The following SLC25A36 variants were observed in gnomAD, a reference collection of about 807,000 sequenced individuals.
SLC25A36 encodes the protein solute carrier family 25 member 36.
A neutral mutation model predicts 35.3 loss-of-function variants in SLC25A36; 24 were observed. The observed-to-expected ratio is 0.68, with a 90% CI of 0.49 to 0.96. SLC25A36 has a LOEUF of 0.96. Ranked by LOEUF, SLC25A36 falls within the 40% of genes least tolerant of loss-of-function variation. The probability of loss-of-function intolerance (pLI) is 0.00; values close to 1 mark genes in which losing one functional copy is unlikely to be tolerated. For synonymous variants in SLC25A36, 141 were observed against 132.2 expected, an observed-to-expected ratio of 1.07 and a Z score of -0.46; for missense variants, 294 against 381.1, an observed-to-expected ratio of 0.77 and a Z score of 1.90.
chr3:140,949,140 A>G (rs1021563136), intron 1 of SLC25A36, among the ~76,000 whole-genome samples: 91 of 152,206 alleles, frequency 6.0e-4, no homozygotes, highest in African/African-American at 2.0e-3. Flanking sequence ...ACAAAAAAAC[A>G]CTATCTTTTT....
chr3:140,977,943 A>G lies in SLC25A36; in HGVS notation c.*1490A>G, dbSNP rs1369087424. 1 of 151,696 alleles carries G rather than the reference A, an allele frequency of 6.6e-6. No individual in the cohort carries two copies. Among genetic ancestry groups the G allele is most frequent in the Non-Finnish European group, 1.5e-5 (1 of 67,876 alleles). The allele number at this position is 151,696 out of a possible 1,614,324, so 9.4% of individuals were successfully genotyped here. A position where few individuals can be genotyped will look rare whatever the true frequency, so the allele number is the denominator to read the frequency against. On this transcript the variant is annotated 3_prime_UTR_variant, in exon 7 of 7. Coordinates refer to ENST00000324194, the MANE Select transcript of SLC25A36 (RefSeq NM_001104647.3). ...CCATGTTAAGATTAAAAAAAAAAAC[A>G]AAAACATTGGTCACGTATTAGGCAG... is the stretch of plus-strand genomic sequence containing the variant.
At chr3:140,960,905 TG>T (rs1250138391) in intron 3 of SLC25A36, among the ~76,000 whole-genome samples, 1 of 152,246 alleles carries the variant, frequency 6.6e-6, no homozygotes, top group Non-Finnish European at 1.5e-5. Flanking sequence ...GTTTGGCTTA[TG>T]GGACAAACCA....
intron 1 of SLC25A36, among the ~76,000 whole-genome samples, chr3:140,949,086 T>A (rs1440666981): frequency 6.6e-6 from 1 of 152,256 alleles, no homozygotes; most frequent in East Asian, 1.9e-4. Context: ...TTATTTGTTT[T>A]GTTTTTTAAA....
chr3:140,960,538 A>C (rs1004949565), intron 3 of SLC25A36, among the ~76,000 whole-genome samples: 2 of 152,228 alleles, frequency 1.3e-5, no homozygotes, highest in Non-Finnish European at 2.9e-5. Flanking sequence ...AACAGGGTTG[A>C]AGAAAGGGAC....
At chr3:140,975,297 A>G (rs2107819820) in intron 6 of SLC25A36, among the ~76,000 whole-genome samples, 1 of 151,520 alleles carries the variant, frequency 6.6e-6, no homozygotes, top group East Asian at 2.0e-4. Flanking sequence ...TAGTAGAGAC[A>G]TAGTCTTGCT....
At chr3:140,972,623 A>G (rs146335853) in intron 5 of SLC25A36, 2 of 152,226 alleles carry the variant, frequency 1.3e-5, no homozygotes, top group African/African-American at 4.8e-5. Context: ...TAAAAAAGAA[A>G]AAAAAGAAAA....
At position 140,976,441 on chromosome 3, in the gene SLC25A36, A is replaced by G. The variant is rs369809258; in HGVS notation, c.924A>G (p.Leu308=). ...MMATYELVVY[L]LNG is the part of the protein sequence containing the mutation. ...CCACCTATGAATTGGTGGTTTACCT[A>G]CTCAATGGATAGCAGCACGAGGACT... Residue 308 remains leucine, a synonymous_variant, in exon 7 of 7, where the codon CTA becomes CTG. Coordinates refer to ENST00000324194, the MANE Select transcript of SLC25A36 (RefSeq NM_001104647.3). 4 of 1,611,438 alleles carry G rather than the reference A, an allele frequency of 2.5e-6. No individual in the cohort carries two copies. The highest frequency in any genetic ancestry group is 2.5e-6 in the Non-Finnish European group (3 of 1,179,152).
intron 1 of SLC25A36, among the ~76,000 whole-genome samples, chr3:140,942,299 G>C (rs1339647935): frequency 6.6e-6 from 1 of 151,618 alleles, no homozygotes; most frequent in Non-Finnish European, 1.5e-5. Context: ...GGAAGCAAGG[G>C]GGTGAGGCCC....
chr3:140,968,607 A>G, intron 4 of SLC25A36: 1 of 942,328 alleles, frequency 1.1e-6, no homozygotes, highest in Non-Finnish European at 1.3e-6. Flanking sequence ...GGTCTTTAAA[A>G]GGTTTTGTTC....
chr3:140,973,910 A>T lies in SLC25A36; in HGVS notation c.647A>T (p.Asp216Val). ...EYKTASTMENDEESVKEASDF... is the reference protein window; with the variant it reads ...EYKTASTMENVEESVKEASDF... ...AAGACTGCTTCTACAATGGAAAATG[A>T]TGAAGAGTCTGTGAAAGAAGCATCA... is the stretch of plus-strand genomic sequence containing the variant. Residue 216 changes from aspartate (D) to valine (V), a missense_variant, in exon 6 of 7, where the codon GAT becomes GTT. Transcript: ENST00000324194. The T allele has an allele frequency of 6.2e-7, 1 of 1,612,692 alleles. No homozygotes were observed. Among genetic ancestry groups the T allele is most frequent in the South Asian group, 1.1e-5 (1 of 90,922 alleles).
At chr3:140,968,575 T>A (rs1015743789) in intron 4 of SLC25A36, 2 of 928,128 alleles carry the variant, frequency 2.2e-6, no homozygotes, top group Non-Finnish European at 2.6e-6. Context: ...GTACAGAGAA[T>A]AATTTAAAAT....
intron 3 of SLC25A36, among the ~76,000 whole-genome samples, chr3:140,961,826 G>A (rs1015971090): frequency 2.7e-4 from 36 of 133,676 alleles, no homozygotes; most frequent in African/African-American, 9.0e-4. Context: ...ACTGCACTCC[G>A]GCCTGGGCAA....
chr3:140,977,454 GTATAAATAT>G lies in SLC25A36; in HGVS notation c.*1006_*1014del, dbSNP rs1331803521. 6.6e-6 allele frequency: 1 copy of G among 150,578 alleles called. No individual in the cohort carries two copies. Among genetic ancestry groups the G allele is most frequent in the African/African-American group, 2.5e-5 (1 of 40,684 alleles). The allele number at this position is 150,578 out of a possible 1,614,324, so 9.3% of individuals were successfully genotyped here. On this transcript the variant is annotated 3_prime_UTR_variant, in exon 7 of 7. Transcript: ENST00000324194. The stretch of plus-strand genomic sequence containing the variant: ...TTTTAAGGTGACAATATTTGGGACA[GTATAAATAT>G]TATAGACAAGGGCCCCCTTGCTGTC...
Position 140,976,244 on chromosome 3 carries a change from T to C in SLC25A36, c.743-16T>C, listed in dbSNP as rs1395157364. On this transcript the variant is annotated splice_polypyrimidine_tract_variant and intron_variant, in intron 6 of 6. Transcript: ENST00000324194. ...AAGATATCAGTAATGTTTAATTTTA[T>C]TTCTTTCCTACACAGAAGTTGTAAG... is the stretch of plus-strand genomic sequence containing the variant. 3.9e-6 allele frequency: 6 copies of C among 1,534,352 alleles called. No individual in the cohort carries two copies. Among genetic ancestry groups the C allele is most frequent in the Middle Eastern group, 1.8e-4 (1 of 5,572 alleles).
intron 4 of SLC25A36, chr3:140,966,866 T>C: frequency 2.2e-6 from 1 of 451,168 alleles, no homozygotes; most frequent in Non-Finnish European, 4.5e-6. Flanking sequence ...AGGATTCAAT[T>C]TGTACACATG....
chr3:140,942,334 C>T (rs951306910), intron 1 of SLC25A36: 4 of 412,706 alleles, frequency 9.7e-6, no homozygotes, highest in Non-Finnish European at 1.7e-5. Flanking sequence ...GAGAGTGAGG[C>T]CCGGGCAAAG....
At chr3:140,949,455 A>G (rs1934258349) in intron 1 of SLC25A36, among the ~76,000 whole-genome samples, 1 of 152,238 alleles carries the variant, frequency 6.6e-6, no homozygotes, top group Non-Finnish European at 1.5e-5. Flanking sequence ...AAACAATTTT[A>G]AATATTCTAT....
chr3:140,979,484 A>G lies in SLC25A36; in HGVS notation c.*3031A>G, dbSNP rs1324436436. 6.6e-6 allele frequency: 1 copy of G among 152,162 alleles called. No homozygotes were observed. Among genetic ancestry groups the G allele is most frequent in the Non-Finnish European group, 1.5e-5 (1 of 68,008 alleles). The allele number at this position is 152,162 out of a possible 1,614,324, so 9.4% of individuals were successfully genotyped here. On this transcript the variant is annotated 3_prime_UTR_variant, in exon 7 of 7. Transcript: ENST00000324194. ...CCTTTGGAGCTGATAAGTACAGTTC[A>G]GCCTTTTCTCCTCAAATATATAATG...
chr3:140,951,552 C>T (rs1934323679), intron 1 of SLC25A36, among the ~76,000 whole-genome samples: 2 of 152,066 alleles, frequency 1.3e-5, no homozygotes, highest in Admixed American at 6.5e-5. Flanking sequence ...GGCACAATCT[C>T]GGCTCACTGC....
Sources: gnomAD v4.1 joint callset for allele counts (sites outside exome capture counted in the v4.1 genomes callset) on GRCh38, gnomAD v4.1.1 for gene constraint, MANE v1.5 for transcripts, NCBI Gene and HGNC (gene_info 2026-07-23, HGNC 2026-07-21) for gene names.